Variants in KCNIP4 observed in about 807,000 individuals in gnomAD.
The protein encoded by KCNIP4 is Kv channel-interacting protein 4.
Under a neutral mutation model 34.0 loss-of-function variants are expected in KCNIP4, and 12 were observed. The ratio of observed to expected loss-of-function variants is 0.35; its 90% CI spans 0.23 to 0.57. KCNIP4 has a LOEUF of 0.57. Among genes scored for constraint, KCNIP4 ranks in the 20% least tolerant of loss-of-function variants. The pLI, the probability that KCNIP4 is intolerant of heterozygous loss-of-function variation, is 0.83. For synonymous variants in KCNIP4, 124 were observed against 102.2 expected, an observed-to-expected ratio of 1.21 and a Z score of -1.29; for missense variants, 238 against 311.7, an observed-to-expected ratio of 0.76 and a Z score of 1.78.
chr4:21,937,613 G>A (rs906212743), intron 1 of KCNIP4, among the ~76,000 whole-genome samples: 3 of 152,060 alleles, frequency 2.0e-5, no homozygotes, highest in Non-Finnish European at 1.5e-5. Context: ...TGATATCCAA[G>A]AAGCCCTTAA....
intron 1 of KCNIP4, among the ~76,000 whole-genome samples, chr4:21,118,643 T>C (rs1036264540): frequency 1.4e-4 from 21 of 152,158 alleles, no homozygotes; most frequent in Non-Finnish European, 2.2e-4. Context: ...TTGTTTATTT[T>C]TACAGTGCAA....
chr4:21,182,942 T>A (rs926483195), intron 1 of KCNIP4, among the ~76,000 whole-genome samples: 12 of 152,242 alleles, frequency 7.9e-5, no homozygotes, highest in Admixed American at 7.2e-4. Context: ...TTGTTTGCAA[T>A]AGATCTCTAA....
chr4:21,770,371 T>G (rs181521704), intron 1 of KCNIP4, among the ~76,000 whole-genome samples: 1 of 152,166 alleles, frequency 6.6e-6, no homozygotes, highest in East Asian at 1.9e-4. Flanking sequence ...CTATCATTGA[T>G]GGGTATTTGG....
intron 2 of KCNIP4, among the ~76,000 whole-genome samples, chr4:20,864,203 C>T (rs11943347): frequency 2.2e-5 from 3 of 137,928 alleles, no homozygotes; most frequent in African/African-American, 7.8e-5. Context: ...TATGTATGTA[C>T]ACACATGCAT....
chr4:21,458,817 C>T, intron 1 of KCNIP4, among the ~76,000 whole-genome samples: 1 of 152,012 alleles, frequency 6.6e-6, no homozygotes, highest in Non-Finnish European at 1.5e-5. Context: ...TAGAAGCAAT[C>T]AGAAGAGAAC....
At chr4:21,568,138 G>A (rs1259264889) in intron 1 of KCNIP4, among the ~76,000 whole-genome samples, 1 of 152,084 alleles carries the variant, frequency 6.6e-6, no homozygotes, top group Non-Finnish European at 1.5e-5. Context: ...TTATAATATG[G>A]TAGACTTGTG....
At chr4:20,788,572 A>C (rs1158196127) in intron 3 of KCNIP4, among the ~76,000 whole-genome samples, 1 of 152,172 alleles carries the variant, frequency 6.6e-6, no homozygotes, top group Non-Finnish European at 1.5e-5. Flanking sequence ...CATCTCATAG[A>C]GGTTACTGAA....
chr4:21,434,289 A>G (rs7663107), intron 1 of KCNIP4, among the ~76,000 whole-genome samples: 86,888 of 152,082 alleles, frequency 0.57, 24,910 homozygotes, highest in Middle Eastern at 0.62. Context: ...GAAAGACAGT[A>G]TAAACCATGT....
chr4:20,826,428 T>C (rs893106711), intron 3 of KCNIP4, among the ~76,000 whole-genome samples: 2 of 151,308 alleles, frequency 1.3e-5, no homozygotes, highest in South Asian at 2.1e-4. Flanking sequence ...TTTTTTTTTT[T>C]CCAAAATTTA....
chr4:20,894,973 G>A lies in KCNIP4; in HGVS notation c.62-12264C>T, dbSNP rs550657012. On this transcript the variant is annotated intron_variant, in intron 1 of 8. Coordinates refer to ENST00000382152, the MANE Select transcript of KCNIP4 (RefSeq NM_025221.6). ...TAACCTTCACAAGAGCCCCACTTGTGGAAGATAACATTATGAAAGCCAAAT... is the reference window on the plus strand; with the variant it reads ...TAACCTTCACAAGAGCCCCACTTGTAGAAGATAACATTATGAAAGCCAAAT... Among the ~76,000 whole-genome samples, 5 of 152,290 alleles carry A rather than the reference G, an allele frequency of 3.3e-5. No homozygotes were observed. The South Asian group carries it at 1.0e-3, about 32-fold the overall frequency.
At chr4:21,677,990 G>T (rs559555213) in intron 1 of KCNIP4, among the ~76,000 whole-genome samples, 1 of 152,262 alleles carries the variant, frequency 6.6e-6, no homozygotes, top group Admixed American at 6.5e-5. Flanking sequence ...GACCTCAGGT[G>T]ATCTGCCTGC....
chr4:21,872,822 A>G (rs924303514), intron 1 of KCNIP4, among the ~76,000 whole-genome samples: 4 of 152,198 alleles, frequency 2.6e-5, no homozygotes, highest in African/African-American at 9.7e-5. Context: ...CATTATTTCT[A>G]ACTAAATGGC....
At chr4:21,575,916 C>T (rs1233868256) in intron 1 of KCNIP4, among the ~76,000 whole-genome samples, 1 of 152,048 alleles carries the variant, frequency 6.6e-6, no homozygotes, top group Non-Finnish European at 1.5e-5. Flanking sequence ...CTTGAAAATC[C>T]CATATTAAAG....
At chr4:21,784,464 AAAAC>A (rs1186203550) in intron 1 of KCNIP4, among the ~76,000 whole-genome samples, 31 of 152,190 alleles carry the variant, frequency 2.0e-4, no homozygotes, top group African/African-American at 7.5e-4. Flanking sequence ...ATTTTAAAGA[AAAAC>A]AAGGAGTTAT....
At chr4:21,221,318 G>C (rs568916104) in intron 1 of KCNIP4, among the ~76,000 whole-genome samples, 6 of 152,098 alleles carry the variant, frequency 3.9e-5, no homozygotes, top group Admixed American at 1.3e-4. Flanking sequence ...GTATTAATCC[G>C]TTTTCATACT....
chr4:21,295,319 G>A (rs942888775), intron 1 of KCNIP4, among the ~76,000 whole-genome samples: 2 of 152,152 alleles, frequency 1.3e-5, no homozygotes, highest in Non-Finnish European at 2.9e-5. Flanking sequence ...GCAAAGAGGT[G>A]TCTTGGAGTA....
At chr4:21,602,094 C>T (rs1004865630) in intron 1 of KCNIP4, among the ~76,000 whole-genome samples, 9 of 152,106 alleles carry the variant, frequency 5.9e-5, no homozygotes, top group Admixed American at 1.3e-4. Context: ...TTATGTTGTT[C>T]CTTCTGCTTC....
At chr4:21,766,373 C>A (rs189517875) in intron 1 of KCNIP4, among the ~76,000 whole-genome samples, 76 of 152,182 alleles carry the variant, frequency 5.0e-4, no homozygotes, top group African/African-American at 1.8e-3. Context: ...AAATAATTTG[C>A]ACAAGGATTA....
At chr4:21,489,700 T>C (rs1016177957) in intron 1 of KCNIP4, among the ~76,000 whole-genome samples, 2 of 151,450 alleles carry the variant, frequency 1.3e-5, no homozygotes, top group Admixed American at 6.6e-5. Flanking sequence ...ATTGCTTTAG[T>C]GATACAAAGG....
Sources: allele counts gnomAD v4.1 joint callset (sites outside exome capture counted in the v4.1 genomes callset), GRCh38; gene constraint gnomAD v4.1.1; transcripts MANE v1.5; gene names NCBI Gene and HGNC (gene_info 2026-07-23, HGNC 2026-07-21).